The following ADGRL3 variants were observed in gnomAD, a reference collection of about 807,000 sequenced individuals.
ADGRL3 encodes the protein adhesion G protein-coupled receptor L3.
In ADGRL3, 62 loss-of-function variants were observed where a neutral mutation model predicts 153.5. The ratio of observed to expected loss-of-function variants is 0.40; its 90% confidence interval spans 0.33 to 0.50. The LOEUF is 0.50. ADGRL3 is among the 20% of genes least tolerant of loss of function. The pLI is 0.47. For synonymous variants in ADGRL3, 710 were observed against 672.5 expected, an observed-to-expected ratio of 1.06 and a Z score of -0.86; for missense variants, 1,641 against 1,859.4, an observed-to-expected ratio of 0.88 and a Z score of 2.16.
At chr4:61,384,588 G>A (rs1033518886) in intron 2 of ADGRL3, among the ~76,000 whole-genome samples, 1 of 151,454 alleles carries the variant, frequency 6.6e-6, no homozygotes, top group South Asian at 2.1e-4. Flanking sequence ...TTACTACATT[G>A]GTTTCTTCAA....
chr4:61,378,868 T>C (rs1026131749), intron 1 of ADGRL3, among the ~76,000 whole-genome samples: 2 of 151,978 alleles, frequency 1.3e-5, no homozygotes, highest in Non-Finnish European at 2.9e-5. Flanking sequence ...AGAGGTACTA[T>C]TGAGGTGTGT....
At chr4:61,608,161 T>C (rs2149633698) in intron 5 of ADGRL3, among the ~76,000 whole-genome samples, 1 of 152,354 alleles carries the variant, frequency 6.6e-6, no homozygotes, top group African/African-American at 2.4e-5. Context: ...ACCAGTCTGC[T>C]TCCACTGACT....
At chr4:61,418,167 C>T (rs1346450849) in intron 2 of ADGRL3, among the ~76,000 whole-genome samples, 1 of 152,132 alleles carries the variant, frequency 6.6e-6, no homozygotes, top group African/African-American at 2.4e-5. Flanking sequence ...AGATTGCTAC[C>T]CATTTTGGAA....
chr4:61,556,551 C>T (rs891244328), intron 4 of ADGRL3, among the ~76,000 whole-genome samples: 18 of 152,056 alleles, frequency 1.2e-4, no homozygotes, highest in African/African-American at 4.4e-4. Context: ...TCAAAAGAGT[C>T]ACTCTCCCTG....
intron 1 of ADGRL3, among the ~76,000 whole-genome samples, chr4:61,346,616 A>T (rs1002203911): frequency 2.3e-4 from 34 of 149,162 alleles, no homozygotes; most frequent in Admixed American, 6.8e-4. Context: ...AAAAATAGAA[A>T]AAAAAAAAAA....
intron 6 of ADGRL3, among the ~76,000 whole-genome samples, chr4:61,699,816 T>A (rs2095714459): frequency 6.6e-6 from 1 of 152,152 alleles, no homozygotes; most frequent in South Asian, 2.1e-4. Flanking sequence ...AAATATAATA[T>A]GCCATTTCAT....
chr4:62,036,801 T>C (rs536601963), intron 23 of ADGRL3, among the ~76,000 whole-genome samples: 1 of 152,136 alleles, frequency 6.6e-6, no homozygotes, highest in Admixed American at 6.5e-5. Context: ...CCTGAACATA[T>C]AATTGATATA....
intron 5 of ADGRL3, among the ~76,000 whole-genome samples, chr4:61,600,183 CTGTAGTCCCAGCTATTCAGGAGG>C (rs1295960076): frequency 6.6e-6 from 1 of 151,588 alleles, no homozygotes; most frequent in Non-Finnish European, 1.5e-5. Flanking sequence ...TGGCATGCAT[CTGTAGTCCCAGCTATTCAGGAGG>C]CTGAGGCAGG....
In ADGRL3 at chr4:61,322,119, G is replaced by A. The variant is rs1181135340; in HGVS notation, c.-239-61005G>A. ...AGGAGGAGTAGGTCACATCTTACAT[G>A]GATAACAGCAGGCAAAGAGAGAGCT... On this transcript the variant is annotated intron_variant, in intron 1 of 26. Transcript: ENST00000683033. Among the ~76,000 whole-genome samples the A allele has an allele frequency of 2.0e-5, 3 of 152,200 alleles. No homozygotes were observed. In the South Asian group the frequency reaches 6.2e-4, roughly 32 times the overall value.
chr4:61,207,643 G>C (rs545017288), intron 1 of ADGRL3, among the ~76,000 whole-genome samples: 2 of 152,222 alleles, frequency 1.3e-5, no homozygotes, highest in African/African-American at 4.8e-5. Flanking sequence ...CACAATGGTT[G>C]AACTAATTTA....
intron 3 of ADGRL3, among the ~76,000 whole-genome samples, chr4:61,508,955 A>C (rs1378693066): frequency 1.3e-5 from 2 of 152,052 alleles, no homozygotes; most frequent in Non-Finnish European, 2.9e-5. Flanking sequence ...ACCCCTGATA[A>C]AACCATCAGA....
intron 8 of ADGRL3, among the ~76,000 whole-genome samples, chr4:61,786,231 A>G (rs1318070187): frequency 6.6e-6 from 1 of 152,188 alleles, no homozygotes; most frequent in Non-Finnish European, 1.5e-5. Context: ...TCTTACTAGA[A>G]ATGTATAAAG....
At chr4:61,825,568 A>G (rs538958331) in intron 9 of ADGRL3, among the ~76,000 whole-genome samples, 13 of 152,286 alleles carry the variant, frequency 8.5e-5, no homozygotes, top group Non-Finnish European at 1.8e-4. Flanking sequence ...GTGAATGGCT[A>G]TATACTAAAA....
chr4:61,208,133 A>G (rs1738198395), intron 1 of ADGRL3, among the ~76,000 whole-genome samples: 1 of 152,146 alleles, frequency 6.6e-6, no homozygotes, highest in Admixed American at 6.6e-5. Context: ...TGGGAAGGCT[A>G]CAAAGGAGTC....
At position 61,682,369 on chromosome 4, in the gene ADGRL3, A is replaced by C. The variant is rs1561056298; in HGVS notation, c.583+5434A>C. The stretch of plus-strand genomic sequence containing the variant: ...ACCACAGTTTCTTTCCCTCCAAATA[A>C]TTTATCTCTCCTTCACAGAATCTTT... On this transcript the variant is annotated intron_variant, in intron 6 of 26. Transcript: ENST00000683033. 6.6e-5 allele frequency among the ~76,000 whole-genome samples: 10 copies of C among 151,850 alleles called. No individual in the cohort carries two copies. In the South Asian group the frequency reaches 1.9e-3, roughly 28 times the overall value.
intron 8 of ADGRL3, among the ~76,000 whole-genome samples, chr4:61,767,636 AG>A (rs1268896325): frequency 6.6e-6 from 1 of 152,158 alleles, no homozygotes; most frequent in African/African-American, 2.4e-5. Context: ...AGTGGCTGCC[AG>A]GTGAGTTGAA....
intron 2 of ADGRL3, chr4:61,385,269 G>A (rs2096722665): frequency 6.6e-6 from 1 of 152,002 alleles, no homozygotes; most frequent in Non-Finnish European, 1.5e-5. Context: ...ACATCCCCCT[G>A]AATACTTTTG....
chr4:61,581,220 CT>C (rs1300551124), intron 4 of ADGRL3, among the ~76,000 whole-genome samples: 5 of 151,858 alleles, frequency 3.3e-5, no homozygotes, highest in Admixed American at 3.3e-4. Flanking sequence ...GGAAAACTCC[CT>C]TTATGGGAGT....
At chr4:61,499,638 A>G (rs1205668706) in intron 3 of ADGRL3, among the ~76,000 whole-genome samples, 1 of 152,162 alleles carries the variant, frequency 6.6e-6, no homozygotes, top group East Asian at 1.9e-4. Flanking sequence ...CTATCCCTCT[A>G]GTTAATTTTT....
Sources: allele counts gnomAD v4.1 joint callset (sites outside exome capture counted in the v4.1 genomes callset), GRCh38; gene constraint gnomAD v4.1.1; transcripts MANE v1.5; gene names NCBI Gene and HGNC (gene_info 2026-07-23, HGNC 2026-07-21).